The following ARB2A variants were observed in gnomAD, a reference collection of about 807,000 sequenced individuals.
ARB2A encodes ARB2 cotranscriptional regulator A, also known as cotranscriptional regulator ARB2A.
the ARB2A span, among the ~76,000 whole-genome samples, chr5:93,975,954 G>A: frequency 4.0e-5 from 6 of 151,698 alleles, no homozygotes; most frequent in Admixed American, 1.3e-4. Flanking sequence ...GATACAATAC[G>A]AAATATCCCT....
chr5:93,741,374 G>A, the ARB2A span: 2 of 1,612,248 alleles, frequency 1.2e-6, no homozygotes, highest in East Asian at 2.2e-5. Flanking sequence ...GGACCCAGGG[G>A]AATCCTCCAC....
chr5:93,951,383 T>G, the ARB2A span, among the ~76,000 whole-genome samples: 38 of 152,200 alleles, frequency 2.5e-4, 1 homozygote, highest in African/African-American at 8.9e-4. Flanking sequence ...TTATGGGGTA[T>G]TAATCAAGAA....
chr5:93,999,193 C>T, the ARB2A span, among the ~76,000 whole-genome samples: 1 of 151,550 alleles, frequency 6.6e-6, no homozygotes, highest in Non-Finnish European at 1.5e-5. Context: ...GGGTGATGTG[C>T]CAAATGGCTG....
chr5:93,784,368 A>G, the ARB2A span: 4 of 1,605,234 alleles, frequency 2.5e-6, no homozygotes, highest in East Asian at 4.5e-5. Flanking sequence ...AGCACTAAAA[A>G]AAACCAAGTC....
At chr5:94,089,247 A>G in the ARB2A span, among the ~76,000 whole-genome samples, 1 of 152,204 alleles carries the variant, frequency 6.6e-6, no homozygotes, top group Non-Finnish European at 1.5e-5. Flanking sequence ...TGAAAAACAG[A>G]TGTTGTTTCA....
the ARB2A span, among the ~76,000 whole-genome samples, chr5:93,768,715 G>A: frequency 3.9e-4 from 60 of 151,980 alleles, no homozygotes; most frequent in African/African-American, 1.4e-3. Flanking sequence ...CAAGTAGCGA[G>A]GACTACAGGC....
chr5:93,976,545 T>A, the ARB2A span, among the ~76,000 whole-genome samples: 25 of 152,336 alleles, frequency 1.6e-4, no homozygotes, highest in African/African-American at 5.8e-4. Context: ...AGTTTCCCCC[T>A]TTCTGTTCTC....
the ARB2A span, among the ~76,000 whole-genome samples, chr5:93,867,795 T>C: frequency 2.0e-5 from 3 of 152,140 alleles, no homozygotes; most frequent in African/African-American, 7.2e-5. Context: ...TATCTTTGTT[T>C]TCATATGTTC....
At chr5:93,972,937 C>T in the ARB2A span, among the ~76,000 whole-genome samples, 1 of 150,278 alleles carries the variant, frequency 6.7e-6, no homozygotes, top group Non-Finnish European at 1.5e-5. Context: ...AGAGAAAACT[C>T]ACTACAGGAA....
At chr5:93,746,531 G>A in the ARB2A span, among the ~76,000 whole-genome samples, 1 of 152,118 alleles carries the variant, frequency 6.6e-6, no homozygotes, top group South Asian at 2.1e-4. Context: ...TCTTTTTGCT[G>A]CTGTTCTTTT....
chr5:93,895,298 T>C, the ARB2A span, among the ~76,000 whole-genome samples: 1 of 152,182 alleles, frequency 6.6e-6, no homozygotes, highest in Non-Finnish European at 1.5e-5. Flanking sequence ...TTTTCTGCTT[T>C]CCGAGTCTTC....
the ARB2A span, among the ~76,000 whole-genome samples, chr5:93,636,458 A>G: frequency 1.3e-5 from 2 of 152,226 alleles, no homozygotes; most frequent in African/African-American, 4.8e-5. Context: ...TACTGCCCTT[A>G]TAAAGGTCAC....
At chr5:93,952,674 A>T in the ARB2A span, among the ~76,000 whole-genome samples, 1 of 152,156 alleles carries the variant, frequency 6.6e-6, no homozygotes, top group Non-Finnish European at 1.5e-5. Context: ...TTGGAGTTCC[A>T]TAACTTTCTT....
the ARB2A span, among the ~76,000 whole-genome samples, chr5:94,031,590 T>C: frequency 6.6e-6 from 1 of 152,162 alleles, no homozygotes; most frequent in Non-Finnish European, 1.5e-5. Context: ...TAGTAGAGAA[T>C]GAAATAGCAT....
chr5:93,724,134 T>C, the ARB2A span, among the ~76,000 whole-genome samples: 1 of 151,816 alleles, frequency 6.6e-6, no homozygotes, highest in African/African-American at 2.4e-5. Flanking sequence ...TTTTTTTTCA[T>C]GCAAAAAGAA....
the ARB2A span, among the ~76,000 whole-genome samples, chr5:93,767,587 C>T: frequency 2.6e-5 from 4 of 152,176 alleles, no homozygotes; most frequent in East Asian, 7.7e-4. Context: ...GTTTAAGTAG[C>T]ACAACTGACA....
chr5:93,741,144 T>G, the ARB2A span: 29 of 1,613,878 alleles, frequency 1.8e-5, no homozygotes, highest in Non-Finnish European at 2.4e-5. Context: ...GCGAGTACCC[T>G]AGGCTCAACC....
At chr5:93,935,925 A>G in the ARB2A span, among the ~76,000 whole-genome samples, 1 of 152,192 alleles carries the variant, frequency 6.6e-6, no homozygotes, top group Non-Finnish European at 1.5e-5. Context: ...GGCAAATTCA[A>G]ACAGGAAAAT....
At chr5:94,042,873 T>C in the ARB2A span, among the ~76,000 whole-genome samples, 1 of 152,146 alleles carries the variant, frequency 6.6e-6, no homozygotes, top group Non-Finnish European at 1.5e-5. Flanking sequence ...TATTACAAAA[T>C]TGTGTAAGAT....
Sources: gnomAD v4.1 joint callset for allele counts (sites outside exome capture counted in the v4.1 genomes callset) on GRCh38, gnomAD v4.1.1 for gene constraint, MANE v1.5 for transcripts, NCBI Gene and HGNC (gene_info 2026-07-23, HGNC 2026-07-21) for gene names.